RUNX1T1: variants seen among roughly 807,000 people sequenced by gnomAD.
RUNX1T1 encodes protein CBFA2T1.
In RUNX1T1, 4 loss-of-function variants were observed where a neutral mutation model predicts 62.8. The ratio of observed to expected loss-of-function variants is 0.06; its 90% CI spans 0.03 to 0.15. The LOEUF is 0.15. Ranked by LOEUF, RUNX1T1 falls within the 10% of genes least tolerant of loss-of-function variation. The pLI, the probability that RUNX1T1 is intolerant of heterozygous loss-of-function variation, is 1.00. For missense variants in RUNX1T1, 508 were observed against 754.3 expected, an observed-to-expected ratio of 0.67 and a Z score of 3.82; for synonymous variants, 291 against 286.0, an observed-to-expected ratio of 1.02 and a Z score of -0.18.
chr8:91,956,755 CTTTAA>C (rs1809447882), downstream of RUNX1T1: 1 of 220,752 alleles, frequency 4.5e-6, no homozygotes, highest in Admixed American at 5.8e-5. Context: ...TGCACAACAA[CTTTAA>C]TTTTTCACAA....
At chr8:92,036,239 G>C (rs1827387645) in intron 1 of RUNX1T1, among the ~76,000 whole-genome samples, 1 of 152,124 alleles carries the variant, frequency 6.6e-6, no homozygotes, top group African/African-American at 2.4e-5. Flanking sequence ...GCTTGCTAAA[G>C]ATCTATAAGG....
At chr8:91,971,037 C>A (rs1440817670) in intron 9 of RUNX1T1, 189 bp from the exon 11 acceptor site, 1 of 440,286 alleles carries the variant, frequency 2.3e-6, no homozygotes, top group African/African-American at 2.0e-5. Flanking sequence ...AGCCACCATG[C>A]CCACTATCTG....
chr8:92,085,861 T>C (rs771942994), intron 1 of RUNX1T1, among the ~76,000 whole-genome samples: 1 of 152,176 alleles, frequency 6.6e-6, no homozygotes, highest in Non-Finnish European at 1.5e-5. Flanking sequence ...CTCTTTAACA[T>C]GTTAAAGAAA....
In RUNX1T1 at chr8:91,991,630, C is replaced by T; in HGVS notation, c.910+9G>A. ...TCCCGTAAGAAGTGAACAGGTCCTT[C>T]AGTCTTACCCATAGGTCTGTTTCTG... On this transcript the variant is annotated intron_variant, in intron 6 of 10. Coordinates refer to ENST00000396218, the Ensembl canonical transcript of RUNX1T1. The T allele has an allele frequency of 2.5e-6, 4 of 1,610,140 alleles. No homozygotes were observed. The highest frequency in any genetic ancestry group is 3.4e-6 in the Non-Finnish European group (4 of 1,176,900).
chr8:92,051,105 T>G (rs1366195590), intron 1 of RUNX1T1, among the ~76,000 whole-genome samples: 3 of 152,200 alleles, frequency 2.0e-5, no homozygotes, highest in African/African-American at 7.2e-5. Context: ...ATCATCTTTT[T>G]CATTTTTCTG....
chr8:92,071,815 A>C (rs1833724223), intron 2 of RUNX1T1, among the ~76,000 whole-genome samples: 1 of 152,194 alleles, frequency 6.6e-6, no homozygotes, highest in Non-Finnish European at 1.5e-5. Context: ...CTGCGGCTCC[A>C]TGGTTCTGCA....
At chr8:92,103,292 C>G (rs1808465394), upstream of RUNX1T1, 1 of 219,896 alleles carries the variant, frequency 4.5e-6, no homozygotes, top group Non-Finnish European at 9.1e-6. Context: ...CCCTCGCTCA[C>G]TCTCGAGGAA....
chr8:91,957,841 T>C (rs1359736653), downstream of RUNX1T1: 16 of 223,612 alleles, frequency 7.2e-5, no homozygotes, highest in East Asian at 1.0e-3. Flanking sequence ...TTTAAGCAGG[T>C]GTGCTGGCAG....
At chr8:92,050,977 C>T (rs2130374563) in intron 1 of RUNX1T1, among the ~76,000 whole-genome samples, 1 of 152,314 alleles carries the variant, frequency 6.6e-6, no homozygotes, top group East Asian at 1.9e-4. Context: ...TCACTCAGCT[C>T]TCAGCAAAAA....
At chr8:92,043,990 A>C (rs989630638) in intron 1 of RUNX1T1, among the ~76,000 whole-genome samples, 20 of 152,026 alleles carry the variant, frequency 1.3e-4, no homozygotes, top group Admixed American at 2.6e-4. Flanking sequence ...AAAAAAAAAA[A>C]AAAAAAACCT....
At chr8:91,979,921 T>G (rs1200787825) in intron 8 of RUNX1T1, 2 of 525,540 alleles carry the variant, frequency 3.8e-6, no homozygotes, top group Non-Finnish European at 3.7e-6. Context: ...CACCTAGGTA[T>G]GGCCTTCATC....
chr8:91,980,974 A>C (rs1376699857), intron 8 of RUNX1T1, among the ~76,000 whole-genome samples: 1 of 152,126 alleles, frequency 6.6e-6, no homozygotes, highest in Non-Finnish European at 1.5e-5. Context: ...TACTCCCAGC[A>C]GAAAGTTCTT....
chr8:92,090,561 T>C (rs1051176616), intron 1 of RUNX1T1, among the ~76,000 whole-genome samples: 4 of 152,174 alleles, frequency 2.6e-5, no homozygotes, highest in African/African-American at 4.8e-5. Flanking sequence ...CTGAGGAATA[T>C]AGACTAGCAC....
rs376482672 is a variant in RUNX1T1, at chr8:92,050,945, CCT to C, written c.7+11599_7+11600del. Among the ~76,000 whole-genome samples, 21 of 152,224 alleles carry C rather than the reference CCT, an allele frequency of 1.4e-4. No homozygotes were observed. The South Asian group carries it at 2.5e-3, about 18-fold the overall frequency. On this transcript the variant is annotated intron_variant, in intron 1 of 10. Transcript: ENST00000396218. The stretch of plus-strand genomic sequence containing the variant: ...ATCTCAAGGCTTTACGGTTGCTATT[CCT>C]CTGTCACTAAATCTTCCCATCACTC...
chr8:91,980,888 T>C (rs908837286), intron 8 of RUNX1T1, among the ~76,000 whole-genome samples: 1 of 151,876 alleles, frequency 6.6e-6, no homozygotes, highest in African/African-American at 2.4e-5. Context: ...TCCAGGCTGG[T>C]CTCAAACTCC....
In RUNX1T1 at chr8:92,005,095, C is replaced by T. The variant is rs147490036; in HGVS notation, c.659+21G>A. The T allele has an allele frequency of 7.5e-5, 118 of 1,578,762 alleles. No individual in the cohort carries two copies. In the East Asian group the frequency reaches 2.6e-3, roughly 35 times the overall value. Reference sequence around the variant, plus strand: ...TATGGGAAAAAGGTCATGGTTCATCCAGGCTCCTCCTCCCTCTCACCTGTC... The same window carrying T: ...TATGGGAAAAAGGTCATGGTTCATCTAGGCTCCTCCTCCCTCTCACCTGTC... On this transcript the variant is annotated intron_variant, in intron 5 of 10. Coordinates refer to ENST00000396218, the Ensembl canonical transcript of RUNX1T1.
intron 10 of RUNX1T1, among the ~76,000 whole-genome samples, chr8:91,964,315 CTTTTA>C (rs1811136662): frequency 6.6e-6 from 1 of 152,130 alleles, no homozygotes; most frequent in Non-Finnish European, 1.5e-5. Context: ...GACAAAATAT[CTTTTA>C]TTTTGTCTCT....
At chr8:92,000,835 T>C (rs1413651324) in intron 5 of RUNX1T1, among the ~76,000 whole-genome samples, 1 of 152,200 alleles carries the variant, frequency 6.6e-6, no homozygotes, top group Non-Finnish European at 1.5e-5. Flanking sequence ...TGAGCAACTA[T>C]AGAAAATAAA....
At chr8:91,972,139 C>A (rs946984286) in intron 9 of RUNX1T1, among the ~76,000 whole-genome samples, 1 of 152,054 alleles carries the variant, frequency 6.6e-6, no homozygotes, top group African/African-American at 2.4e-5. Context: ...TAATTAAAAA[C>A]ATAGATTCCT....
Sources: allele counts gnomAD v4.1 joint callset (sites outside exome capture counted in the v4.1 genomes callset), GRCh38; gene constraint gnomAD v4.1.1; transcripts MANE v1.5; gene names NCBI Gene and HGNC (gene_info 2026-07-23, HGNC 2026-07-21).